The following FKBP6 variants were observed in gnomAD, a reference collection of about 807,000 sequenced individuals.
FKBP6 encodes inactive peptidyl-prolyl cis-trans isomerase FKBP6.
In FKBP6, 29 loss-of-function variants were observed where a neutral mutation model predicts 41.7. The observed-to-expected ratio is 0.70, with a 90% CI of 0.52 to 0.95. FKBP6 has a LOEUF of 0.95. Ranked by LOEUF, FKBP6 falls within the 40% of genes least tolerant of loss-of-function variation. FKBP6 has a pLI of 0.00. For missense variants in FKBP6, 338 were observed against 408.7 expected (o/e 0.83, Z 1.49); for synonymous variants, 130 against 165.1 (o/e 0.79, Z 1.63).
Position 73,358,244 on chromosome 7 carries a change from G to A in FKBP6, c.*66G>A, listed in dbSNP as rs1048745046. 2.0e-5 allele frequency: 3 copies of A among 152,170 alleles called. No individual in the cohort carries two copies. Among genetic ancestry groups the A allele is most frequent in the Non-Finnish European group, 4.4e-5 (3 of 68,048 alleles). 9.4% of individuals were successfully genotyped at this position (152,170 alleles called of 1,614,324 possible). On this transcript the variant is annotated 3_prime_UTR_variant, in exon 9 of 9. Coordinates refer to ENST00000252037, the MANE Select transcript of FKBP6 (RefSeq NM_003602.5). The stretch of plus-strand genomic sequence containing the variant: ...TCCATCATTGGGGGAGTGGAAGGGA[G>A]CTCCCAGCGCAGCCGTGGCAGCCAC...
intron 7 of FKBP6, 43 bp from the exon 8 acceptor site, chr7:73,342,764 C>T: frequency 7.2e-7 from 1 of 1,397,082 alleles, no homozygotes; most frequent in Middle Eastern, 1.8e-4. Flanking sequence ...TCACCTCCTC[C>T]AAACACAGAC....
At chr7:73,348,005 G>C (rs1297008494) in intron 8 of FKBP6, among the ~76,000 whole-genome samples, 1 of 152,108 alleles carries the variant, frequency 6.6e-6, no homozygotes, top group Admixed American at 6.6e-5. Context: ...ACTCCCTGTT[G>C]CTCAAGTCCT....
chr7:73,342,118 C>G (rs1250601541), intron 7 of FKBP6, among the ~76,000 whole-genome samples: 2 of 151,980 alleles, frequency 1.3e-5, no homozygotes, highest in African/African-American at 4.8e-5. Flanking sequence ...ATGGATTGAC[C>G]TCCTTGTTAC....
intron 5 of FKBP6, 31 bp from the exon 6 acceptor site, chr7:73,340,607 C>T (rs962875422): frequency 3.2e-6 from 5 of 1,586,798 alleles, no homozygotes; most frequent in Admixed American, 1.7e-5. Context: ...GACTGTTACT[C>T]CTCTTGACCA....
At chr7:73,335,127 C>T (rs1288655291) in intron 5 of FKBP6, among the ~76,000 whole-genome samples, 15 of 144,274 alleles carry the variant, frequency 1.0e-4, no homozygotes, top group Non-Finnish European at 2.1e-4. Flanking sequence ...TGTACGTGTT[C>T]CTGGCCAAAA....
intron 8 of FKBP6, among the ~76,000 whole-genome samples, chr7:73,355,609 T>C (rs1175142661): frequency 6.6e-6 from 1 of 151,812 alleles, no homozygotes; most frequent in African/African-American, 2.4e-5. Context: ...ATTATTAAAC[T>C]TGTCATTATG....
At chr7:73,337,057 C>T in intron 5 of FKBP6, 1 of 325,590 alleles carries the variant, frequency 3.1e-6, no homozygotes, top group Non-Finnish European at 6.1e-6. Flanking sequence ...TAAGCAGGGC[C>T]TGTAGAAAAC....
At chr7:73,331,839 A>T in intron 5 of FKBP6, 63 bp downstream of exon 5, 1 of 1,527,564 alleles carries the variant, frequency 6.5e-7, no homozygotes, top group South Asian at 1.1e-5. Context: ...TTTAAAAAAC[A>T]CAGATTTTGT....
chr7:73,345,222 G>GAAAAAAAAA (rs1156457847), intron 8 of FKBP6, among the ~76,000 whole-genome samples: 1 of 66,652 alleles, frequency 1.5e-5, no homozygotes, highest in Non-Finnish European at 3.1e-5. Flanking sequence ...GCATCAGCCA[G>GAAAAAAAAA]AAAAAAAAAA....
At chr7:73,339,198 C>T (rs572997498) in intron 5 of FKBP6, 1 of 152,294 alleles carries the variant, frequency 6.6e-6, no homozygotes, top group East Asian at 1.9e-4. Flanking sequence ...CCGAAGCCAG[C>T]GCAGAGTCTT....
chr7:73,351,899 T>C (rs554459969), intron 8 of FKBP6, among the ~76,000 whole-genome samples: 63 of 152,234 alleles, frequency 4.1e-4, no homozygotes, highest in Non-Finnish European at 8.1e-4. Flanking sequence ...GTTTCATCTC[T>C]TGCTATGACA....
chr7:73,352,634 C>T (rs1407949014), intron 8 of FKBP6, among the ~76,000 whole-genome samples: 1 of 152,116 alleles, frequency 6.6e-6, no homozygotes. Context: ...AAGCAGCCAC[C>T]GACCCAGGGT....
chr7:73,339,305 G>A (rs1308869416), intron 5 of FKBP6: 17 of 152,068 alleles, frequency 1.1e-4, no homozygotes, highest in South Asian at 8.3e-4. Context: ...ATAGTCTCTC[G>A]TCCCAGCATT....
chr7:73,352,163 T>TATA (rs1563323764), intron 8 of FKBP6, among the ~76,000 whole-genome samples: 1 of 152,060 alleles, frequency 6.6e-6, no homozygotes, highest in Admixed American at 6.6e-5. Context: ...GGGGTCTCAT[T>TATA]ATATTTCCTA....
chr7:73,343,042 G>A (rs114777158), intron 8 of FKBP6, 143 bp downstream of exon 8: 22 of 717,068 alleles, frequency 3.1e-5, no homozygotes, highest in Non-Finnish European at 4.1e-5. Flanking sequence ...ACAACACAAC[G>A]GTAGTGCAGG....
chr7:73,342,926 A>G lies in FKBP6; in HGVS notation c.*2+27A>G, dbSNP rs782625274. ...TAATCAAAGGGCCAGGGTGGCACAC[A>G]GGCTTCCGGATGGAGAAGCGTGCTG... is the stretch of plus-strand genomic sequence containing the variant. On this transcript the variant is annotated intron_variant, in intron 8 of 8. Transcript: ENST00000252037. The G allele has an allele frequency of 1.7e-5, 25 of 1,486,622 alleles. No homozygotes were observed. In the South Asian group the frequency reaches 2.4e-4, roughly 14 times the overall value. 92.1% of individuals were successfully genotyped at this position (1,486,622 alleles called of 1,614,324 possible).
In FKBP6 at chr7:73,328,242, C is replaced by T. The variant is rs782361643; in HGVS notation, c.-187C>T. On this transcript the variant is annotated 5_prime_UTR_variant, in exon 1 of 9. The change creates a premature stop within an existing upstream ORF in the 5' untranslated region. Coordinates refer to ENST00000252037, the MANE Select transcript of FKBP6 (RefSeq NM_003602.5). ...CTGTAGTTCCAGAGCTCGCGAGGGC[C>T]AGGGCCGTTGGCGGCGGTTGGAACG... 9.7e-6 allele frequency: 15 copies of T among 1,549,062 alleles called. No individual in the cohort carries two copies. In the African/African-American group the frequency reaches 1.8e-4, roughly 18 times the overall value.
rs139586996 is a variant in FKBP6 at position 73,337,908 on chromosome 7, T to C, written c.589-2730T>C. Reference sequence around the variant, plus strand: ...TCTCCTTTGTTTCTATGGATTTGCCTATTCAGGACATATTTTGTAACTAGA... The same window carrying C: ...TCTCCTTTGTTTCTATGGATTTGCCCATTCAGGACATATTTTGTAACTAGA... On this transcript the variant is annotated intron_variant, in intron 5 of 8. Transcript: ENST00000252037. Among the ~76,000 whole-genome samples the C allele has an allele frequency of 4.3e-3, 653 of 152,344 alleles. 3 individuals are homozygous for C. Among genetic ancestry groups the C allele is most frequent in the African/African-American group, 0.014 (597 of 41,580 alleles).
intron 2 of FKBP6, 47 bp from the exon 3 acceptor site, chr7:73,329,313 G>A (rs73131580): frequency 0.03 from 30,517 of 1,019,134 alleles, 659 homozygotes; most frequent in Non-Finnish European, 0.036. Flanking sequence ...TTATGGTGGC[G>A]TGGGTGTTTT....
Sources: allele counts gnomAD v4.1 joint callset (sites outside exome capture counted in the v4.1 genomes callset), GRCh38; gene constraint gnomAD v4.1.1; transcripts MANE v1.5; gene names NCBI Gene and HGNC (gene_info 2026-07-23, HGNC 2026-07-21).